SLIT2: variants seen among roughly 807,000 people sequenced by gnomAD.
SLIT2 encodes the protein slit homolog 2 protein.
In SLIT2, 41 loss-of-function variants were observed where a neutral mutation model predicts 185.7. That is an observed-to-expected ratio of 0.22 (90% CI 0.17 to 0.29). The LOEUF is 0.29. SLIT2 is among the 10% of genes least tolerant of loss of function. The pLI, the probability that SLIT2 is intolerant of heterozygous loss-of-function variation, is 1.00. For synonymous variants in SLIT2, 693 were observed against 680.2 expected, an observed-to-expected ratio of 1.02 and a Z score of -0.29; for missense variants, 1,571 against 1,909.0, an observed-to-expected ratio of 0.82 and a Z score of 3.30.
intron 12 of SLIT2, among the ~76,000 whole-genome samples, chr4:20,523,346 A>G (rs1235280311): frequency 6.6e-6 from 1 of 152,168 alleles, no homozygotes; most frequent in East Asian, 1.9e-4. Context: ...CATGTTTAGA[A>G]GGATCACACT....
At chr4:20,401,285 T>C (rs1726339968) in intron 4 of SLIT2, among the ~76,000 whole-genome samples, 1 of 151,914 alleles carries the variant, frequency 6.6e-6, no homozygotes, top group Non-Finnish European at 1.5e-5. Flanking sequence ...GGAAGAACTA[T>C]AATTAATCAT....
rs533899751 is a variant in SLIT2 at position 20,251,908 on chromosome 4, T to C, written c.-1908T>C. On this transcript the variant is annotated 5_prime_UTR_variant, in exon 1 of 37. Coordinates refer to ENST00000504154, the MANE Select transcript of SLIT2 (RefSeq NM_004787.4). ...GCCCGCGCCGGCTCAACTTCGGACT[T>C]GGTGTTATTTATTTGGGAAGCGCCC... Among the ~76,000 whole-genome samples, 5 of 151,654 alleles carry C rather than the reference T, an allele frequency of 3.3e-5. No homozygotes were observed. The highest frequency in any genetic ancestry group is 2.0e-4 in the Admixed American group (3 of 15,266).
At chr4:20,460,361 TTAACA>T (rs1052681512) in intron 4 of SLIT2, among the ~76,000 whole-genome samples, 1 of 152,198 alleles carries the variant, frequency 6.6e-6, no homozygotes, top group African/African-American at 2.4e-5. Flanking sequence ...ATTTTAAAAA[TTAACA>T]TAAATTTGTA....
At chr4:20,585,819 ATTT>A (rs979727173) in intron 29 of SLIT2, among the ~76,000 whole-genome samples, 1 of 152,120 alleles carries the variant, frequency 6.6e-6, no homozygotes, top group African/African-American at 2.4e-5. Context: ...CAATTCCCCT[ATTT>A]TTTATTATTT....
intron 4 of SLIT2, among the ~76,000 whole-genome samples, chr4:20,368,239 A>G (rs1410708494): frequency 6.6e-6 from 1 of 151,036 alleles, no homozygotes; most frequent in African/African-American, 2.4e-5. Flanking sequence ...AAAAAAGAAA[A>G]AAAAGAAAGA....
chr4:20,599,145 T>G (rs1728216910), intron 33 of SLIT2, among the ~76,000 whole-genome samples: 1 of 152,190 alleles, frequency 6.6e-6, no homozygotes, highest in Non-Finnish European at 1.5e-5. Flanking sequence ...ATTCATACAA[T>G]GTTGTCTTAG....
rs201071599 is a variant in SLIT2 at position 20,528,446 on chromosome 4, GA to G, written c.1463-497del. ...CTGTCTCTTTCTACAAAATCAAAATGAAAAAAGAGGGCTTTTTAGGCATCTC... is the reference window on the plus strand; with the variant it reads ...CTGTCTCTTTCTACAAAATCAAAATGAAAAAGAGGGCTTTTTAGGCATCTC... On this transcript the variant is annotated intron_variant, in intron 15 of 36. Transcript: ENST00000504154. The surrounding 1 kb of genome is among the most constrained non-coding windows in gnomAD (Gnocchi z 4.2). 4,499 of 468,108 alleles carry G rather than the reference GA, an allele frequency of 9.6e-3. 148 individuals carry two copies. Among genetic ancestry groups the G allele is most frequent in the South Asian group, 0.059 (3,755 of 63,634 alleles). The allele number at this position is 468,108 out of a possible 1,614,324, so 29.0% of individuals were successfully genotyped here. A position where few individuals can be genotyped will look rare whatever the true frequency, so the allele number is the denominator to read the frequency against.
At chr4:20,481,516 GT>G (rs1263092515) in intron 6 of SLIT2, among the ~76,000 whole-genome samples, 2 of 152,144 alleles carry the variant, frequency 1.3e-5, no homozygotes, top group East Asian at 3.9e-4. Context: ...ATTCACATTT[GT>G]AGGTTTTTTA....
Position 20,612,689 on chromosome 4 carries a change from G to C in SLIT2, c.3847+2522G>C, listed in dbSNP as rs188273775. 4.4e-3 allele frequency among the ~76,000 whole-genome samples: 675 copies of C among 152,250 alleles called. 8 individuals carry two copies. Among genetic ancestry groups the C allele is most frequent in the African/African-American group, 0.015 (630 of 41,562 alleles). On this transcript the variant is annotated intron_variant, in intron 34 of 36. Coordinates refer to ENST00000504154, the MANE Select transcript of SLIT2 (RefSeq NM_004787.4). The stretch of plus-strand genomic sequence containing the variant: ...TCCCAGCACTTTGGGAGGCCAAGGC[G>C]GGTGGATCACGAGGTCAGGAGATTG...
At chr4:20,379,317 G>A (rs1724295065) in intron 4 of SLIT2, among the ~76,000 whole-genome samples, 2 of 152,076 alleles carry the variant, frequency 1.3e-5, no homozygotes, top group Non-Finnish European at 2.9e-5. Context: ...AATTAATAAA[G>A]ATTATTAAAA....
chr4:20,598,131 G>A, intron 32 of SLIT2, 134 bp from the exon 33 acceptor site: 1 of 712,390 alleles, frequency 1.4e-6, no homozygotes. Flanking sequence ...AATAATTTCA[G>A]CATCGTTTTC....
intron 2 of SLIT2, 122 bp from the exon 3 acceptor site, chr4:20,257,746 C>G (rs921448275): frequency 1.8e-5 from 12 of 677,370 alleles, no homozygotes; most frequent in Admixed American, 1.3e-4. Context: ...TATTGGATCT[C>G]AAATCAGAGC....
intron 9 of SLIT2, among the ~76,000 whole-genome samples, chr4:20,503,600 A>G (rs1718935942): frequency 1.3e-5 from 2 of 152,062 alleles, no homozygotes; most frequent in Non-Finnish European, 2.9e-5. Flanking sequence ...GGTTGCATCT[A>G]TTGAGTGTAT....
chr4:20,344,143 C>T (rs777998266), intron 4 of SLIT2, among the ~76,000 whole-genome samples: 8 of 152,280 alleles, frequency 5.3e-5, no homozygotes, highest in Admixed American at 2.0e-4. Flanking sequence ...CCACCGCGCC[C>T]GGCCACAAAG....
chr4:20,467,923 C>T, intron 5 of SLIT2, 100 bp downstream of exon 5: 1 of 600,790 alleles, frequency 1.7e-6, no homozygotes, highest in Non-Finnish European at 2.9e-6. Context: ...GGTGAAAACC[C>T]TGTGTATATT....
At chr4:20,412,276 T>G (rs1455772923) in intron 4 of SLIT2, among the ~76,000 whole-genome samples, 1 of 150,408 alleles carries the variant, frequency 6.6e-6, no homozygotes, top group Non-Finnish European at 1.5e-5. Context: ...TGACTCTTGA[T>G]TCTCACCTCT....
intron 4 of SLIT2, among the ~76,000 whole-genome samples, chr4:20,443,489 A>T (rs1355297099): frequency 6.7e-6 from 1 of 149,068 alleles, no homozygotes; most frequent in East Asian, 2.0e-4. Context: ...AGCTCAGGGC[A>T]CTTGGGTTTA....
At chr4:20,274,140 T>C (rs1713928851) in intron 4 of SLIT2, among the ~76,000 whole-genome samples, 1 of 152,210 alleles carries the variant, frequency 6.6e-6, no homozygotes, top group African/African-American at 2.4e-5. Context: ...AATTATATAC[T>C]GATACTTTGC....
intron 4 of SLIT2, among the ~76,000 whole-genome samples, chr4:20,354,719 T>C (rs527453989): frequency 2.6e-5 from 4 of 152,192 alleles, no homozygotes; most frequent in Admixed American, 2.0e-4. Flanking sequence ...ATCTAAATGG[T>C]TAAATGGTAG....
Sources: allele counts gnomAD v4.1 joint callset (sites outside exome capture counted in the v4.1 genomes callset), GRCh38; gene constraint gnomAD v4.1.1; non-coding constraint Gnocchi (gnomAD v3.1); transcripts MANE v1.5; gene names NCBI Gene and HGNC (gene_info 2026-07-23, HGNC 2026-07-21).